The following ITPR1 variants were observed in gnomAD, a reference collection of about 807,000 sequenced individuals.
ITPR1 encodes the protein inositol 1,4,5-trisphosphate-gated calcium channel ITPR1.
Under a neutral mutation model 318.4 loss-of-function variants are expected in ITPR1, and 96 were observed. The observed-to-expected ratio is 0.30, with a 90% CI of 0.26 to 0.36. The LOEUF is 0.36. ITPR1 is among the 10% of genes least tolerant of loss of function. The probability of loss-of-function intolerance (pLI) is 1.00; values close to 1 mark genes in which losing one functional copy is unlikely to be tolerated. For missense variants in ITPR1, 2,440 were observed against 3,460.2 expected (o/e 0.71, Z 7.40); for synonymous variants, 1,312 against 1,289.9 (o/e 1.02, Z -0.37).
intron 4 of ITPR1, among the ~76,000 whole-genome samples, chr3:4,527,058 C>T (rs569374322): frequency 1.2e-3 from 188 of 152,266 alleles, no homozygotes; most frequent in Admixed American, 2.1e-3. Context: ...GAGACCAGAG[C>T]GCATCTATTT....
chr3:4,602,139 A>G (rs2091334110), intron 4 of ITPR1, among the ~76,000 whole-genome samples: 1 of 152,256 alleles, frequency 6.6e-6, no homozygotes, highest in African/African-American at 2.4e-5. Context: ...ATTCCTCAAA[A>G]GGTTAAACAT....
At chr3:4,817,013 T>C (rs2049347628) in intron 59 of ITPR1, among the ~76,000 whole-genome samples, 1 of 152,258 alleles carries the variant, frequency 6.6e-6, no homozygotes, top group Non-Finnish European at 1.5e-5. Flanking sequence ...TTTTATTTTA[T>C]TCAATGGGCT....
chr3:4,494,144 G>A (rs76131776), intron 1 of ITPR1, among the ~76,000 whole-genome samples: 1 of 152,358 alleles, frequency 6.6e-6, no homozygotes, highest in African/African-American at 2.4e-5. Flanking sequence ...CGGGAAACAA[G>A]TGCTTTGGGA....
rs772979758 is a variant in ITPR1, at chr3:4,644,230, A to G, written c.620A>G (p.Asn207Ser). The change falls in exon 8 of 62, where the codon AAT (asparagine) becomes AGT (serine). Residue 207 changes from asparagine (N) to serine (S), a missense_variant. Physicochemically the swap from Asn to Ser is conservative, Grantham distance 46. This residue lies in a region of ITPR1 where 186 missense variants were observed against 323.9 expected (regional missense o/e 0.57). Coordinates refer to ENST00000649015, the MANE Select transcript of ITPR1 (RefSeq NM_001378452.1). ...CAACTGGTAGATAACCCAGGCTGCAATGAGGTAAGGACATTGAGTTATGTG... is the reference window on the plus strand; with the variant it reads ...CAACTGGTAGATAACCCAGGCTGCAGTGAGGTAAGGACATTGAGTTATGTG... ...SHQLVDNPGC[N>S]EVNSVNCNTS... 9.4e-6 allele frequency: 15 copies of G among 1,601,408 alleles called. No individual in the cohort carries two copies. Among genetic ancestry groups the G allele is most frequent in the Non-Finnish European group, 1.3e-5 (15 of 1,172,722 alleles).
chr3:4,567,925 T>C (rs2125030436), intron 4 of ITPR1, among the ~76,000 whole-genome samples: 1 of 152,250 alleles, frequency 6.6e-6, no homozygotes, highest in Admixed American at 6.5e-5. Flanking sequence ...CTTAAAGGTG[T>C]GAGAGGTTCA....
At chr3:4,661,320 T>A (rs2093828065) in intron 14 of ITPR1, among the ~76,000 whole-genome samples, 1 of 152,244 alleles carries the variant, frequency 6.6e-6, no homozygotes, top group Admixed American at 6.5e-5. Flanking sequence ...GCTTCTGCCA[T>A]AATGGTTGAG....
At chr3:4,750,964 G>T in intron 44 of ITPR1, 1 of 152,936 alleles carries the variant, frequency 6.5e-6, no homozygotes, top group Non-Finnish European at 1.5e-5. Context: ...CCATGAGAGA[G>T]ACCTATCCTA....
intron 47 of ITPR1, 46 bp from the exon 48 acceptor site, chr3:4,777,218 T>C: frequency 1.7e-6 from 2 of 1,202,758 alleles, no homozygotes; most frequent in Non-Finnish European, 2.4e-6. Context: ...TGACGTCTGA[T>C]TTATGACCAG....
Position 4,678,201 on chromosome 3 carries a change from G to A in ITPR1, c.2967+1400G>A, listed in dbSNP as rs1341291889. On this transcript the variant is annotated intron_variant, in intron 24 of 61. Coordinates refer to ENST00000649015, the MANE Select transcript of ITPR1 (RefSeq NM_001378452.1). ...TCATGTAATTAGGACGATAAAGACA[G>A]CTTAAGTAAAGGAGAAATCTTACTG... is the stretch of plus-strand genomic sequence containing the variant. Among the ~76,000 whole-genome samples, 3 of 152,184 alleles carry A rather than the reference G, an allele frequency of 2.0e-5. No homozygotes were observed. The East Asian group carries it at 5.8e-4, about 29-fold the overall frequency.
At chr3:4,602,395 G>T (rs2322737) in intron 4 of ITPR1, among the ~76,000 whole-genome samples, 105,287 of 151,698 alleles carry the variant, frequency 0.69, 37,214 homozygotes, top group Non-Finnish European at 0.77. Context: ...AGGCATGGTG[G>T]TGTGCACCTG....
At chr3:4,612,119 G>T (rs2092159510) in intron 4 of ITPR1, among the ~76,000 whole-genome samples, 1 of 131,608 alleles carries the variant, frequency 7.6e-6, no homozygotes, top group Non-Finnish European at 1.5e-5. Context: ...AGGCTGGAGT[G>T]CAGTCCATGT....
At chr3:4,655,897 T>C (rs1488034771) in intron 12 of ITPR1, among the ~76,000 whole-genome samples, 1 of 152,126 alleles carries the variant, frequency 6.6e-6, no homozygotes, top group East Asian at 1.9e-4. Flanking sequence ...GGCAAGGTGT[T>C]AGTACTGGGA....
rs1190977911 is a variant in ITPR1, at chr3:4,779,312, G to A, written c.6292-238G>A. 7.2e-5 allele frequency among the ~76,000 whole-genome samples: 11 copies of A among 152,258 alleles called. No homozygotes were observed. Among genetic ancestry groups the A allele is most frequent in the Non-Finnish European group, 5.9e-5 (4 of 68,040 alleles). Reference sequence around the variant, plus strand: ...CATTAGGGCATAACACACATGCCCTGACAAATATGTGCCTCTTTGTCCGAA... The same window carrying A: ...CATTAGGGCATAACACACATGCCCTAACAAATATGTGCCTCTTTGTCCGAA... On this transcript the variant is annotated intron_variant, in intron 48 of 61. Coordinates refer to ENST00000649015, the MANE Select transcript of ITPR1 (RefSeq NM_001378452.1). This position sits in a 1 kb window ranked among gnomAD's most constrained non-coding sequence, Gnocchi z 4.0.
chr3:4,722,229 A>G (rs2042215740), intron 40 of ITPR1, among the ~76,000 whole-genome samples: 1 of 152,234 alleles, frequency 6.6e-6, no homozygotes, highest in Admixed American at 6.5e-5. Flanking sequence ...AAGATTGCAG[A>G]GTAAATATGA....
intron 36 of ITPR1, among the ~76,000 whole-genome samples, chr3:4,704,380 C>T (rs1283638511): frequency 6.6e-6 from 1 of 152,224 alleles, no homozygotes; most frequent in Non-Finnish European, 1.5e-5. Flanking sequence ...CCGCTGCACT[C>T]CAGCCTGGGC....
chr3:4,493,548 T>A lies in ITPR1; in HGVS notation c.-150T>A, dbSNP rs2124848184. ...CGCGGACATGGGATTACCCAGCGGC[T>A]GCTAACCCCTCTCCTCGCCCTGCTC... On this transcript the variant is annotated 5_prime_UTR_variant, in exon 1 of 62. Coordinates refer to ENST00000649015, the MANE Select transcript of ITPR1 (RefSeq NM_001378452.1). 1 of 153,124 alleles carries A rather than the reference T, an allele frequency of 6.5e-6. No individual in the cohort carries two copies. Among genetic ancestry groups the A allele is most frequent in the East Asian group, 1.9e-4 (1 of 5,170 alleles). The allele number at this position is 153,124 out of a possible 1,614,324, so 9.5% of individuals were successfully genotyped here. A position where few individuals can be genotyped will look rare whatever the true frequency, so the allele number is the denominator to read the frequency against.
chr3:4,761,950 G>A (rs1394333166), intron 44 of ITPR1, among the ~76,000 whole-genome samples: 1 of 152,206 alleles, frequency 6.6e-6, no homozygotes, highest in Non-Finnish European at 1.5e-5. Flanking sequence ...CCAGGTAGCA[G>A]AGGGGGCAGG....
chr3:4,495,911 C>T (rs574138565), intron 2 of ITPR1, among the ~76,000 whole-genome samples: 2 of 152,232 alleles, frequency 1.3e-5, no homozygotes, highest in East Asian at 1.9e-4. Flanking sequence ...AACTTGCATA[C>T]CTCCCACCAA....
At chr3:4,606,240 AC>A (rs1258392776) in intron 4 of ITPR1, among the ~76,000 whole-genome samples, 2 of 152,128 alleles carry the variant, frequency 1.3e-5, no homozygotes, top group Non-Finnish European at 2.9e-5. Flanking sequence ...GCAGTGACGA[AC>A]CCTGTGTGGT....
Sources: gnomAD v4.1 joint callset for allele counts (sites outside exome capture counted in the v4.1 genomes callset) on GRCh38, gnomAD v4.1.1 for gene constraint, gnomAD v4.1.1 regional missense constraint, Gnocchi (gnomAD v3.1) non-coding constraint, MANE v1.5 for transcripts, NCBI Gene and HGNC (gene_info 2026-07-23, HGNC 2026-07-21) for gene names.